Variants in CHD7 observed in about 807,000 individuals in gnomAD.
CHD7 encodes the protein ATP-dependent chromatin remodeler CHD7.
A neutral mutation model predicts 307.3 loss-of-function variants in CHD7; 24 were observed. The ratio of observed to expected loss-of-function variants is 0.08; its 90% CI spans 0.06 to 0.11. CHD7 has a LOEUF of 0.11. Ranked by LOEUF, CHD7 falls within the 10% of genes least tolerant of loss-of-function variation. CHD7 has a pLI of 1.00. For missense variants in CHD7, 3,106 were observed against 3,727.1 expected (o/e 0.83, Z 4.34); for synonymous variants, 1,363 against 1,349.9 (o/e 1.01, Z -0.21).
chr8:60,794,898 A>T, intron 3 of CHD7, 88 bp from the exon 4 acceptor site: 1 of 1,221,990 alleles, frequency 8.2e-7, no homozygotes, highest in Non-Finnish European at 1.1e-6. Flanking sequence ...GTTGTCATTG[A>T]TACTTTTGGG....
intron 2 of CHD7, among the ~76,000 whole-genome samples, chr8:60,769,406 T>G (rs1810610727): frequency 6.6e-6 from 1 of 152,220 alleles, no homozygotes; most frequent in African/African-American, 2.4e-5. Context: ...CATTAAAGCT[T>G]TAGTACTTTT....
At chr8:60,837,122 G>T in intron 17 of CHD7, 110 bp downstream of exon 17, 1 of 837,990 alleles carries the variant, frequency 1.2e-6, no homozygotes, top group Non-Finnish European at 1.8e-6. Flanking sequence ...CACTCAGGCT[G>T]TGTCCTATGA....
chr8:60,778,383 T>C (rs904224581), intron 2 of CHD7, among the ~76,000 whole-genome samples: 22 of 152,254 alleles, frequency 1.4e-4, no homozygotes, highest in Non-Finnish European at 3.1e-4. Flanking sequence ...TTTTCCTCCT[T>C]ATGCAAGATT....
At chr8:60,812,123 A>G (rs929371122) in intron 7 of CHD7, among the ~76,000 whole-genome samples, 3 of 152,136 alleles carry the variant, frequency 2.0e-5, no homozygotes, top group Admixed American at 2.0e-4. Context: ...TGTTTATTGC[A>G]TTGCCCATTA....
chr8:60,711,530 A>G lies in CHD7; in HGVS notation c.-174-29729A>G, dbSNP rs7827192. On this transcript the variant is annotated intron_variant, in intron 1 of 37. Coordinates refer to ENST00000423902, the MANE Select transcript of CHD7 (RefSeq NM_017780.4). ...TCTCTGTCAGTACAGGGTGGTAATGAAATCTTTCGTTATTTGATGACTTTG... is the reference window on the plus strand; with the variant it reads ...TCTCTGTCAGTACAGGGTGGTAATGGAATCTTTCGTTATTTGATGACTTTG... Among the ~76,000 whole-genome samples, 404 of 152,340 alleles carry G rather than the reference A, an allele frequency of 2.7e-3. 3 individuals are homozygous for G. Among genetic ancestry groups the G allele is most frequent in the African/African-American group, 9.1e-3 (380 of 41,568 alleles).
chr8:60,705,538 A>G (rs1204069124), intron 1 of CHD7, among the ~76,000 whole-genome samples: 1 of 152,238 alleles, frequency 6.6e-6, no homozygotes, highest in Non-Finnish European at 1.5e-5. Context: ...TGACTCACCC[A>G]GTTTGTAAAA....
intron 2 of CHD7, among the ~76,000 whole-genome samples, chr8:60,777,379 G>A (rs1301139074): frequency 1.3e-5 from 2 of 152,208 alleles, no homozygotes; most frequent in Non-Finnish European, 2.9e-5. Flanking sequence ...TTGCTAACAG[G>A]CTGAGGCTTC....
chr8:60,784,197 G>A (rs1173940757), intron 3 of CHD7, among the ~76,000 whole-genome samples: 1 of 152,184 alleles, frequency 6.6e-6, no homozygotes, highest in Admixed American at 6.5e-5. Context: ...TTAGTACTGG[G>A]TTTGAATTGC....
At chr8:60,772,400 A>C (rs1005651223) in intron 2 of CHD7, among the ~76,000 whole-genome samples, 1 of 152,228 alleles carries the variant, frequency 6.6e-6, no homozygotes, top group African/African-American at 2.4e-5. Context: ...AGAAACTTAA[A>C]TGCAAATTTG....
chr8:60,719,930 C>T (rs1433556765), intron 1 of CHD7, among the ~76,000 whole-genome samples: 3 of 152,148 alleles, frequency 2.0e-5, no homozygotes, highest in Non-Finnish European at 4.4e-5. Flanking sequence ...TGTAAGTATG[C>T]TTATTCCAAA....
chr8:60,801,157 T>G (rs1297710324), intron 5 of CHD7, among the ~76,000 whole-genome samples: 11 of 152,208 alleles, frequency 7.2e-5, no homozygotes, highest in Admixed American at 7.2e-4. Flanking sequence ...AAAAGATGCC[T>G]ACTATAGCAG....
chr8:60,743,672 A>G (rs867480897), intron 2 of CHD7, among the ~76,000 whole-genome samples: 2 of 152,370 alleles, frequency 1.3e-5, no homozygotes, highest in Middle Eastern at 3.4e-3. Context: ...TTTGGTCTCT[A>G]AAAGATTTGG....
chr8:60,844,074 A>G (rs1367689611), intron 21 of CHD7, among the ~76,000 whole-genome samples: 3 of 152,186 alleles, frequency 2.0e-5, no homozygotes, highest in African/African-American at 7.2e-5. Flanking sequence ...GTCGCCTGGG[A>G]GAAGACATGG....
At position 60,865,966 on chromosome 8, in the gene CHD7, T is replaced by A. The variant is rs1273035176; in HGVS notation, c.*33T>A. ...CAGTTCCAGTTCAAGTGTTTAAAACTTTTGACAAGTGGTAGTCCTACTGTT... is the reference window on the plus strand; with the variant it reads ...CAGTTCCAGTTCAAGTGTTTAAAACATTTGACAAGTGGTAGTCCTACTGTT... On this transcript the variant is annotated 3_prime_UTR_variant, in exon 38 of 38. Transcript: ENST00000423902. This position sits in a 1 kb window ranked among gnomAD's most constrained non-coding sequence, Gnocchi z 4.3. 2 of 1,538,572 alleles carry A rather than the reference T, an allele frequency of 1.3e-6. No homozygotes were observed. The highest frequency in any genetic ancestry group is 1.4e-5 in the African/African-American group (1 of 73,124).
chr8:60,699,917 C>T (rs1455572078), intron 1 of CHD7, among the ~76,000 whole-genome samples: 2 of 151,798 alleles, frequency 1.3e-5, no homozygotes, highest in Non-Finnish European at 2.9e-5. Flanking sequence ...CTCACCACAA[C>T]CCTCCCTGGT....
In CHD7 at chr8:60,865,690, G is replaced by A. The variant is rs761033941; in HGVS notation, c.8751G>A (p.Thr2917=). 1.2e-6 allele frequency: 2 copies of A among 1,605,562 alleles called. No individual in the cohort carries two copies. The highest frequency in any genetic ancestry group is 1.7e-6 in the Non-Finnish European group (2 of 1,174,350). The change falls in exon 38 of 38, where the codon ACG becomes ACA. Residue 2917 remains threonine, a synonymous_variant. Coordinates refer to ENST00000423902, the MANE Select transcript of CHD7 (RefSeq NM_017780.4). This position sits in a 1 kb window ranked among gnomAD's most constrained non-coding sequence, Gnocchi z 4.3. ...TACCTCCAGGACTGGGGGGATTGAC[G>A]CTGCCTGGGTTCCCAGCATTGGCAG... The part of the protein sequence containing the change: ...MFLPPGLGGL[T]LPGFPALAGL...
intron 34 of CHD7, 34 bp from the exon 35 acceptor site, chr8:60,860,868 CGT>C (rs1563668974): frequency 2.0e-6 from 3 of 1,483,304 alleles, no homozygotes; most frequent in Non-Finnish European, 2.8e-6. Flanking sequence ...GCTCTCTCTT[CGT>C]GTGAGAATTC....
At chr8:60,811,283 A>C (rs1415260331) in intron 7 of CHD7, among the ~76,000 whole-genome samples, 1 of 152,218 alleles carries the variant, frequency 6.6e-6, no homozygotes, top group Non-Finnish European at 1.5e-5. Flanking sequence ...AGTCAGAACT[A>C]TACACAAAAG....
At chr8:60,763,340 T>G (rs1803437221) in intron 2 of CHD7, among the ~76,000 whole-genome samples, 6 of 152,174 alleles carry the variant, frequency 3.9e-5, no homozygotes, top group African/African-American at 1.4e-4. Context: ...CATCTCAGTT[T>G]GGATTGGCCA....
Sources: gnomAD v4.1 joint callset for allele counts (sites outside exome capture counted in the v4.1 genomes callset) on GRCh38, gnomAD v4.1.1 for gene constraint, Gnocchi (gnomAD v3.1) non-coding constraint, MANE v1.5 for transcripts, NCBI Gene and HGNC (gene_info 2026-07-23, HGNC 2026-07-21) for gene names.